MASTL: variants seen among roughly 807,000 people sequenced by gnomAD.
MASTL encodes serine/threonine-protein kinase greatwall.
In MASTL, 54 loss-of-function variants were observed where a neutral mutation model predicts 82.5. That is an observed-to-expected ratio of 0.65 (90% confidence interval 0.53 to 0.82). MASTL has a LOEUF of 0.82. Among genes scored for constraint, MASTL ranks in the 40% least tolerant of loss-of-function variants. The pLI is 0.00. For missense variants in MASTL, 950 were observed against 1,047.8 expected, an observed-to-expected ratio of 0.91 and a Z score of 1.29; for synonymous variants, 323 against 368.9, an observed-to-expected ratio of 0.88 and a Z score of 1.43.
chr10:27,156,993 G>A (rs2057413236), intron 1 of MASTL, among the ~76,000 whole-genome samples: 1 of 150,394 alleles, frequency 6.6e-6, no homozygotes, highest in South Asian at 2.1e-4. Flanking sequence ...AGTAGAGACG[G>A]GGTTTCACCA....
intron 6 of MASTL, among the ~76,000 whole-genome samples, chr10:27,166,675 T>G (rs1564489278): frequency 6.6e-6 from 1 of 152,082 alleles, no homozygotes; most frequent in Non-Finnish European, 1.5e-5. Context: ...GATGAGAGTA[T>G]CGCTTGAGCC....
chr10:27,158,018 A>AT (rs2057450210), intron 1 of MASTL, among the ~76,000 whole-genome samples: 1 of 151,996 alleles, frequency 6.6e-6, no homozygotes, highest in African/African-American at 2.4e-5. Flanking sequence ...GGAATATTTA[A>AT]TTTTTTTTCC....
intron 9 of MASTL, among the ~76,000 whole-genome samples, chr10:27,176,507 C>CA (rs1473078420): frequency 6.6e-6 from 1 of 152,200 alleles, no homozygotes; most frequent in Non-Finnish European, 1.5e-5. Context: ...CCTTGTCTCT[C>CA]AAAGAGTCTC....
In MASTL at chr10:27,165,476, G is replaced by A. The variant is rs750516173; in HGVS notation, c.748G>A (p.Val250Ile). ...AACATCACAGCTTTCTCAAGGACTC[G>A]TATGCCCTATGTCTGTAGATCAAAA... ...SETSQLSQGLVCPMSVDQKDT... is the reference protein window; with the variant it reads ...SETSQLSQGLICPMSVDQKDT... The change falls in exon 6 of 12, where the codon GTA (valine) becomes ATA (isoleucine). Residue 250 changes from valine to isoleucine, a missense_variant. Physicochemically the swap from Val to Ile is conservative, Grantham distance 29 (BLOSUM62 3). Transcript: ENST00000375940. 44 of 1,613,870 alleles carry A rather than the reference G, an allele frequency of 2.7e-5. No homozygotes were observed. The highest frequency in any genetic ancestry group is 1.6e-4 in the Middle Eastern group (1 of 6,084).
intron 4 of MASTL, among the ~76,000 whole-genome samples, chr10:27,163,509 CT>C (rs1196138168): frequency 2.0e-5 from 3 of 151,886 alleles, no homozygotes; most frequent in South Asian, 2.1e-4. Context: ...TTTAATAAAA[CT>C]TTTTTTGTAA....
At chr10:27,181,845 C>T (rs1588740308) in intron 11 of MASTL, among the ~76,000 whole-genome samples, 1 of 152,082 alleles carries the variant, frequency 6.6e-6, no homozygotes, top group East Asian at 1.9e-4. Context: ...TAGGCCGAGG[C>T]AGGCGGATCA....
At chr10:27,177,966 A>G (rs1221646350) in intron 9 of MASTL, among the ~76,000 whole-genome samples, 3 of 152,240 alleles carry the variant, frequency 2.0e-5, no homozygotes, top group Non-Finnish European at 1.5e-5. Flanking sequence ...CTGAGCAGCA[A>G]GACATCCAGA....
At chr10:27,181,616 G>A (rs1444617048) in intron 11 of MASTL, 35 bp downstream of exon 11, 3 of 1,478,820 alleles carry the variant, frequency 2.0e-6, no homozygotes, top group Admixed American at 3.4e-5. Flanking sequence ...TTTTACCATT[G>A]ATTTTTTGCA....
At chr10:27,182,262 T>C in intron 11 of MASTL, among the ~76,000 whole-genome samples, 1 of 122,072 alleles carries the variant, frequency 8.2e-6, no homozygotes, top group Admixed American at 8.1e-5. Flanking sequence ...AAAAAAAAAA[T>C]CAAGTTCCAA....
At chr10:27,181,377 G>A (rs2058293557) in intron 10 of MASTL, 103 bp from the exon 11 acceptor site, 4 of 858,520 alleles carry the variant, frequency 4.7e-6, no homozygotes, top group Non-Finnish European at 7.7e-6. Flanking sequence ...GGTGACAAGA[G>A]TGAAACTCCA....
At position 27,186,766 on chromosome 10, in the gene MASTL, ATTTAT is replaced by A. The variant is rs1331801041; in HGVS notation, c.*234_*238del. On this transcript the variant is annotated 3_prime_UTR_variant, in exon 12 of 12. Coordinates refer to ENST00000375940, the MANE Select transcript of MASTL (RefSeq NM_001172303.3). ...TAAATCTTCAAAGCTTTTTTCATTT[ATTTAT>A]TTTGTTTATTGCACTTTATGAAAAC... 6 of 518,144 alleles carry A rather than the reference ATTTAT, an allele frequency of 1.2e-5. No individual in the cohort carries two copies. In the East Asian group the frequency reaches 1.7e-4, roughly 15 times the overall value. The allele number at this position is 518,144 out of a possible 1,614,324, so 32.1% of individuals were successfully genotyped here. A position where few individuals can be genotyped will look rare whatever the true frequency, so the allele number is the denominator to read the frequency against.
intron 9 of MASTL, among the ~76,000 whole-genome samples, chr10:27,176,380 A>G (rs2058101686): frequency 6.6e-6 from 1 of 152,152 alleles, no homozygotes; most frequent in Non-Finnish European, 1.5e-5. Context: ...TTTTTCTTCC[A>G]AAACCATCAC....
At chr10:27,173,065 C>T (rs761595248) in intron 8 of MASTL, 53 bp from the exon 9 acceptor site, 89 of 1,594,470 alleles carry the variant, frequency 5.6e-5, no homozygotes, top group East Asian at 1.1e-4. Context: ...ATTTTCTATT[C>T]GGTGTAAAAG....
At chr10:27,175,980 C>G (rs1007496295) in intron 9 of MASTL, among the ~76,000 whole-genome samples, 3 of 151,974 alleles carry the variant, frequency 2.0e-5, no homozygotes, top group East Asian at 3.9e-4. Context: ...ATCTGTAATC[C>G]CAGCTACTCA....
At chr10:27,176,810 A>C (rs1483491119) in intron 9 of MASTL, among the ~76,000 whole-genome samples, 1 of 129,658 alleles carries the variant, frequency 7.7e-6, no homozygotes. Context: ...AAAGCTTAAG[A>C]AAACTTTTTG....
chr10:27,179,834 G>A (rs1302251960), intron 9 of MASTL, among the ~76,000 whole-genome samples: 1 of 152,112 alleles, frequency 6.6e-6, no homozygotes, highest in Non-Finnish European at 1.5e-5. Flanking sequence ...TACCTTGTGT[G>A]GGATACAGAA....
rs920945230 is a variant in MASTL at position 27,180,330 on chromosome 10, G to A, written c.2267-623G>A. ...GGCGGTGCTTGTCCCGGAGAAGGCC[G>A]CATGCTGCGCTGATAATGCCAAGGT... is the stretch of plus-strand genomic sequence containing the variant. On this transcript the variant is annotated intron_variant, in intron 9 of 11. Coordinates refer to ENST00000375940, the MANE Select transcript of MASTL (RefSeq NM_001172303.3). Among the ~76,000 whole-genome samples, 6 of 152,226 alleles carry A rather than the reference G, an allele frequency of 3.9e-5. No homozygotes were observed. In the South Asian group the frequency reaches 1.0e-3, roughly 26 times the overall value.
At chr10:27,166,939 G>A (rs371036697) in intron 6 of MASTL, among the ~76,000 whole-genome samples, 163 bp from the exon 7 acceptor site, 2 of 151,424 alleles carry the variant, frequency 1.3e-5, no homozygotes, top group Non-Finnish European at 2.9e-5. Flanking sequence ...AGCTGTTCTT[G>A]TGGACTAGAT....
rs769286317 is a variant in MASTL, at chr10:27,187,342, C to A, written c.*806C>A. On this transcript the variant is annotated 3_prime_UTR_variant, in exon 12 of 12. Transcript: ENST00000375940. ...TGGAAAATTCCTTCACTTAGTAACT[C>A]CTTTGGGGAATAAGGAATAAACAAA... Among the ~76,000 whole-genome samples the A allele has an allele frequency of 7.9e-5, 12 of 151,998 alleles. No homozygotes were observed. The highest frequency in any genetic ancestry group is 1.6e-4 in the Non-Finnish European group (11 of 68,004).
Sources: allele counts gnomAD v4.1 joint callset (sites outside exome capture counted in the v4.1 genomes callset), GRCh38; gene constraint gnomAD v4.1.1; transcripts MANE v1.5; gene names NCBI Gene and HGNC (gene_info 2026-07-23, HGNC 2026-07-21).